The following KANK1 variants were observed in gnomAD, a reference collection of about 807,000 sequenced individuals.
KANK1 encodes the protein KN motif and ankyrin repeat domain-containing protein 1.
KANK1 carries 109 observed loss-of-function variants against 106.2 expected under a neutral mutation model. The observed-to-expected ratio is 1.03, with a 90% CI of 0.88 to 1.20. The LOEUF is 1.20. KANK1 is among the 50% of genes most tolerant of loss of function. The pLI, the probability that KANK1 is intolerant of heterozygous loss-of-function variation, is 0.00. For missense variants in KANK1, 2,399 were observed against 1,710.7 expected (o/e 1.40, Z -7.10); for synonymous variants, 873 against 652.2 (o/e 1.34, Z -5.16).
At chr9:694,659 C>T (rs941329388) in intron 2 of KANK1, among the ~76,000 whole-genome samples, 1 of 152,126 alleles carries the variant, frequency 6.6e-6, no homozygotes, top group Non-Finnish European at 1.5e-5. Context: ...ACAATGTGCC[C>T]TTTATTAAGA....
At chr9:742,505 A>T in intron 10 of KANK1, 100 bp downstream of exon 10, 1 of 846,688 alleles carries the variant, frequency 1.2e-6, no homozygotes, top group East Asian at 2.6e-5. Flanking sequence ...ATCCTCCTCT[A>T]TTCTCCTCTG....
chr9:686,688 C>T (rs1478786181), intron 2 of KANK1: 1 of 881,012 alleles, frequency 1.1e-6, no homozygotes, highest in Non-Finnish European at 1.4e-6. Flanking sequence ...AACTGTTTGG[C>T]AGTGTGAGGG....
At chr9:730,025 C>G in intron 3 of KANK1, 26 bp from the exon 4 acceptor site, 2 of 1,602,916 alleles carry the variant, frequency 1.2e-6, no homozygotes, top group East Asian at 4.5e-5. Context: ...GCATCACACA[C>G]TCTGTACCTT....
intron 1 of KANK1, among the ~76,000 whole-genome samples, chr9:628,407 A>AG (rs920406997): frequency 2.1e-4 from 31 of 147,424 alleles, no homozygotes; most frequent in East Asian, 1.5e-3. Flanking sequence ...GCCTCCCAGT[A>AG]GGGGGGGTTC....
chr9:600,139 C>G (rs887395572), intron 1 of KANK1, among the ~76,000 whole-genome samples: 1 of 151,708 alleles, frequency 6.6e-6, no homozygotes, highest in South Asian at 2.1e-4. Flanking sequence ...CGCAACCAGT[C>G]TCTAAAACTC....
At chr9:588,278 A>G (rs1438991541) in intron 1 of KANK1, among the ~76,000 whole-genome samples, 1 of 152,140 alleles carries the variant, frequency 6.6e-6, no homozygotes, top group African/African-American at 2.4e-5. Context: ...TGGAAATGTA[A>G]TGGTTTCTCT....
upstream of KANK1, among the ~76,000 whole-genome samples, chr9:502,077 T>TTGCAG (rs1374305358): frequency 1.3e-5 from 2 of 152,204 alleles, no homozygotes; most frequent in African/African-American, 4.8e-5. Flanking sequence ...AACTATTATG[T>TTGCAG]TAAGTGAAAG....
At chr9:486,244 T>G (rs1356956013) in intron 3 of KANK1, among the ~76,000 whole-genome samples, 1 of 152,312 alleles carries the variant, frequency 6.6e-6, no homozygotes, top group East Asian at 1.9e-4. Flanking sequence ...CAAAAGTCAA[T>G]TGCTTAACCA....
At chr9:594,807 A>T (rs144958473) in intron 1 of KANK1, among the ~76,000 whole-genome samples, 2 of 151,852 alleles carry the variant, frequency 1.3e-5, no homozygotes, top group Non-Finnish European at 2.9e-5. Flanking sequence ...TTAAAACCAA[A>T]TATAAAAATC....
intron 1 of KANK1, among the ~76,000 whole-genome samples, chr9:506,929 T>TG (rs1221482979): frequency 6.6e-6 from 1 of 152,154 alleles, no homozygotes; most frequent in Non-Finnish European, 1.5e-5. Flanking sequence ...AGTGGGTCTG[T>TG]GAAAAGTTGG....
intron 1 of KANK1, among the ~76,000 whole-genome samples, chr9:522,317 A>G (rs2059589052): frequency 2.0e-5 from 3 of 151,790 alleles, no homozygotes; most frequent in African/African-American, 4.9e-5. Flanking sequence ...GGGTACAGAT[A>G]CATATATCGT....
chr9:670,778 G>C (rs1327623446), intron 1 of KANK1, among the ~76,000 whole-genome samples: 1 of 152,082 alleles, frequency 6.6e-6, no homozygotes, highest in Admixed American at 6.6e-5. Flanking sequence ...GGCATGGATA[G>C]GTCTCCTGCC....
chr9:729,377 G>C (rs1831596666), intron 3 of KANK1, among the ~76,000 whole-genome samples: 1 of 152,198 alleles, frequency 6.6e-6, no homozygotes, highest in South Asian at 2.1e-4. Flanking sequence ...AGGAGATCAG[G>C]GAAGGGTCTG....
Position 651,558 on chromosome 9 carries a change from G to A in KANK1, c.-83-25332G>A, listed in dbSNP as rs2361096. 3.3e-5 allele frequency among the ~76,000 whole-genome samples: 5 copies of A among 152,114 alleles called. No individual in the cohort carries two copies. In the East Asian group the frequency reaches 7.7e-4, roughly 24 times the overall value. On this transcript the variant is annotated intron_variant, in intron 1 of 11. Coordinates refer to ENST00000382297, the MANE Select transcript of KANK1 (RefSeq NM_015158.5). The stretch of plus-strand genomic sequence containing the variant: ...TGAAAGGATAAAGGAATGCTTGTTC[G>A]TTCCACAAGTTACCTTGGCTCCAAC...
chr9:657,598 TA>T (rs1842433375), intron 1 of KANK1, among the ~76,000 whole-genome samples: 1 of 151,992 alleles, frequency 6.6e-6, no homozygotes, highest in Non-Finnish European at 1.5e-5. Context: ...TCCTAATGAG[TA>T]TGAGGTGATA....
chr9:597,700 G>A (rs562176011), intron 1 of KANK1, among the ~76,000 whole-genome samples: 4 of 150,794 alleles, frequency 2.7e-5, no homozygotes, highest in African/African-American at 9.8e-5. Context: ...GTCTTGCTCT[G>A]TTGCCCAGGC....
At chr9:640,617 G>C (rs796635398) in intron 1 of KANK1, among the ~76,000 whole-genome samples, 11 of 151,790 alleles carry the variant, frequency 7.2e-5, no homozygotes, top group African/African-American at 2.7e-4. Flanking sequence ...GGCTGGTCTT[G>C]AACTCCTGAT....
At chr9:742,559 T>G (rs1835923964) in intron 10 of KANK1, among the ~76,000 whole-genome samples, 154 bp downstream of exon 10, 1 of 152,216 alleles carries the variant, frequency 6.6e-6, no homozygotes, top group African/African-American at 2.4e-5. Flanking sequence ...CAGCCAAGCT[T>G]GGCTACACTT....
chr9:738,214 A>T, intron 7 of KANK1, 71 bp from the exon 8 acceptor site: 1 of 1,238,604 alleles, frequency 8.1e-7, no homozygotes, highest in Non-Finnish European at 1.1e-6. Flanking sequence ...AGGACAGGTT[A>T]CTTGTGCTTT....
Sources: allele counts gnomAD v4.1 joint callset (sites outside exome capture counted in the v4.1 genomes callset), GRCh38; gene constraint gnomAD v4.1.1; transcripts MANE v1.5; gene names NCBI Gene and HGNC (gene_info 2026-07-23, HGNC 2026-07-21).